Variants in ITM2B observed in about 807,000 individuals in gnomAD.
The protein encoded by ITM2B is integral membrane protein 2B.
A neutral mutation model predicts 27.8 loss-of-function variants in ITM2B; 11 were observed. The observed-to-expected ratio is 0.40, with a 90% CI of 0.25 to 0.66. The LOEUF is 0.66. Ranked by LOEUF, ITM2B falls within the 30% of genes least tolerant of loss-of-function variation. ITM2B has a pLI of 0.43. For synonymous variants in ITM2B, 114 were observed against 114.3 expected (o/e 1.00, Z 0.02); for missense variants, 296 against 328.9 (o/e 0.90, Z 0.77).
chr13:48,256,308 A>C lies in ITM2B; in HGVS notation c.378A>C (p.Glu126Asp), dbSNP rs767959003. 2 of 1,613,906 alleles carry C rather than the reference A, an allele frequency of 1.2e-6. No homozygotes were observed. The highest frequency in any genetic ancestry group is 1.7e-6 in the Non-Finnish European group (2 of 1,179,908). The change falls in exon 3 of 6, where the codon GAA becomes GAC. Residue 126 changes from glutamate to aspartate, a missense_variant. Coordinates refer to ENST00000647800, the MANE Select transcript of ITM2B (RefSeq NM_021999.5). Reference sequence around the variant, plus strand: ...ATATTAAAATCTTTGAAGAAGAAGAAGTTGAATTTATCAGTGTGCCTGTCC... The same window carrying C: ...ATATTAAAATCTTTGAAGAAGAAGACGTTGAATTTATCAGTGTGCCTGTCC... The part of the protein sequence containing the change: ...EENIKIFEEE[E>D]VEFISVPVPE...
intron 5 of ITM2B, among the ~76,000 whole-genome samples, 178 bp from the exon 6 acceptor site, chr13:48,260,961 T>G (rs1248729102): frequency 2.0e-5 from 3 of 152,168 alleles, no homozygotes; most frequent in African/African-American, 7.2e-5. Flanking sequence ...ATATTAATAC[T>G]TGGTTCAGAA....
chr13:48,237,976 T>G (rs901565926), intron 1 of ITM2B, among the ~76,000 whole-genome samples: 1 of 152,186 alleles, frequency 6.6e-6, no homozygotes, highest in Non-Finnish European at 1.5e-5. Flanking sequence ...TTATTAGAGC[T>G]TAAAGACTAA....
chr13:48,255,493 C>G (rs1222704733), intron 2 of ITM2B, among the ~76,000 whole-genome samples: 2 of 151,062 alleles, frequency 1.3e-5, no homozygotes, highest in Admixed American at 1.3e-4. Flanking sequence ...CAGGGTCTCA[C>G]CATGTTGCCC....
In ITM2B at chr13:48,262,763, T is replaced by A. The variant is rs547744687; in HGVS notation, c.*1539T>A. 1.3e-5 allele frequency: 2 copies of A among 152,120 alleles called. No individual in the cohort carries two copies. The highest frequency in any genetic ancestry group is 2.9e-5 in the Non-Finnish European group (2 of 68,008). 9.4% of individuals were successfully genotyped at this position (152,120 alleles called of 1,614,324 possible). A position where few individuals can be genotyped will look rare whatever the true frequency, so the allele number is the denominator to read the frequency against. ...ACAGCAAACAACTCATTACAATACA[T>A]TGGGATCAGTAGTGTGAGGGAGAAA... On this transcript the variant is annotated 3_prime_UTR_variant, in exon 6 of 6. Transcript: ENST00000647800.
Position 48,265,855 on chromosome 13 carries a change from A to T in ITM2B, c.*4631A>T, listed in dbSNP as rs535721493. The T allele has an allele frequency of 1.5e-3, 224 of 152,254 alleles. No individual in the cohort carries two copies. Among genetic ancestry groups the T allele is most frequent in the African/African-American group, 5.1e-3 (213 of 41,548 alleles). 9.4% of individuals were successfully genotyped at this position (152,254 alleles called of 1,614,324 possible). A position where few individuals can be genotyped will look rare whatever the true frequency, so the allele number is the denominator to read the frequency against. ...TTAGGAAAGGCTTCTCTTGTTTCTCAGTCTCATAGCATCATCTGTCTCTTT... is the reference window on the plus strand; with the variant it reads ...TTAGGAAAGGCTTCTCTTGTTTCTCTGTCTCATAGCATCATCTGTCTCTTT... On this transcript the variant is annotated 3_prime_UTR_variant, in exon 6 of 6. Coordinates refer to ENST00000647800, the MANE Select transcript of ITM2B (RefSeq NM_021999.5).
intron 1 of ITM2B, among the ~76,000 whole-genome samples, chr13:48,242,601 C>T (rs1039618105): frequency 4.6e-5 from 7 of 152,020 alleles, no homozygotes; most frequent in Non-Finnish European, 1.0e-4. Flanking sequence ...GTCTCAGAAT[C>T]GTTATTCCAT....
chr13:48,233,941 A>C (rs1593386158), intron 1 of ITM2B, among the ~76,000 whole-genome samples: 1 of 152,182 alleles, frequency 6.6e-6, no homozygotes, highest in African/African-American at 2.4e-5. Context: ...CTTGAACAGC[A>C]CTTGGACTAA....
In ITM2B at chr13:48,262,762, AT is replaced by A. The variant is rs1951830067; in HGVS notation, c.*1540del. 1 of 152,196 alleles carries A rather than the reference AT, an allele frequency of 6.6e-6. No individual in the cohort carries two copies. Among genetic ancestry groups the A allele is most frequent in the Non-Finnish European group, 1.5e-5 (1 of 68,030 alleles). The allele number at this position is 152,196 out of a possible 1,614,324, so 9.4% of individuals were successfully genotyped here. A position where few individuals can be genotyped will look rare whatever the true frequency, so the allele number is the denominator to read the frequency against. On this transcript the variant is annotated 3_prime_UTR_variant, in exon 6 of 6. Coordinates refer to ENST00000647800, the MANE Select transcript of ITM2B (RefSeq NM_021999.5). ...GACAGCAAACAACTCATTACAATAC[AT>A]TGGGATCAGTAGTGTGAGGGAGAAA... is the stretch of plus-strand genomic sequence containing the variant.
At chr13:48,248,328 A>G (rs567171084) in intron 1 of ITM2B, among the ~76,000 whole-genome samples, 44 of 151,548 alleles carry the variant, frequency 2.9e-4, no homozygotes, top group Admixed American at 8.6e-4. Context: ...AAGAGATAGG[A>G]TCTTGCTATG....
intron 1 of ITM2B, among the ~76,000 whole-genome samples, chr13:48,244,912 T>C (rs905184589): frequency 2.0e-5 from 3 of 152,238 alleles, no homozygotes; most frequent in Non-Finnish European, 4.4e-5. Context: ...AAATAACATT[T>C]GTATATAATG....
chr13:48,244,447 A>G (rs1309275180), intron 1 of ITM2B, among the ~76,000 whole-genome samples: 1 of 152,220 alleles, frequency 6.6e-6, no homozygotes, highest in African/African-American at 2.4e-5. Flanking sequence ...TCTCACATGT[A>G]GAGAGACAAG....
chr13:48,253,945 A>G lies in ITM2B; in HGVS notation c.246+9A>G. ...AATATTTTGCACTTCAAGTAAGTGG[A>G]AAAATTATTTTGTGTCTCTGATTTT... is the stretch of plus-strand genomic sequence containing the variant. On this transcript the variant is annotated intron_variant, in intron 2 of 5. Coordinates refer to ENST00000647800, the MANE Select transcript of ITM2B (RefSeq NM_021999.5). The G allele has an allele frequency of 6.2e-7, 1 of 1,612,920 alleles. No homozygotes were observed. The highest frequency in any genetic ancestry group is 8.5e-7 in the Non-Finnish European group (1 of 1,179,478).
intron 1 of ITM2B, among the ~76,000 whole-genome samples, chr13:48,246,699 G>A (rs895519865): frequency 4.6e-5 from 7 of 152,128 alleles, no homozygotes; most frequent in Non-Finnish European, 1.0e-4. Context: ...TAGGATCCCA[G>A]AAGGAAGTAT....
At chr13:48,234,965 A>C (rs1951658746) in intron 1 of ITM2B, among the ~76,000 whole-genome samples, 1 of 152,216 alleles carries the variant, frequency 6.6e-6, no homozygotes, top group Non-Finnish European at 1.5e-5. Context: ...TTGAGAGTCA[A>C]GTATCCAGTC....
intron 1 of ITM2B, among the ~76,000 whole-genome samples, chr13:48,252,150 CTG>C (rs1256348077): frequency 6.6e-6 from 1 of 152,238 alleles, no homozygotes; most frequent in South Asian, 2.1e-4. Context: ...TAGGAACACA[CTG>C]TATCGTATCA....
intron 1 of ITM2B, among the ~76,000 whole-genome samples, chr13:48,245,995 G>T (rs1951722604): frequency 6.6e-6 from 1 of 152,086 alleles, no homozygotes; most frequent in Admixed American, 6.6e-5. Context: ...AGCCAGGATG[G>T]TCTCAATCTC....
chr13:48,246,928 A>G (rs955334896), intron 1 of ITM2B, among the ~76,000 whole-genome samples: 4 of 152,196 alleles, frequency 2.6e-5, no homozygotes, highest in Non-Finnish European at 4.4e-5. Context: ...TCCTGGGTTC[A>G]AGCGATTCTC....
Position 48,268,868 on chromosome 13 carries a change from A to G in ITM2B, c.*7644A>G, listed in dbSNP as rs1387420921. The stretch of plus-strand genomic sequence containing the variant: ...ACAATGCAGGAGTCCAAGTATTATT[A>G]GGTTTACAGTCATAACAAACACCAA... On this transcript the variant is annotated 3_prime_UTR_variant, in exon 6 of 6. Coordinates refer to ENST00000647800, the MANE Select transcript of ITM2B (RefSeq NM_021999.5). 7.9e-5 allele frequency: 12 copies of G among 152,214 alleles called. No individual in the cohort carries two copies. Among genetic ancestry groups the G allele is most frequent in the Non-Finnish European group, 1.6e-4 (11 of 68,028 alleles). 9.4% of individuals were successfully genotyped at this position (152,214 alleles called of 1,614,324 possible).
Position 48,256,355 on chromosome 13 carries a change from C to T in ITM2B, c.425C>T (p.Pro142Leu). 1 of 1,613,752 alleles carries T rather than the reference C, an allele frequency of 6.2e-7. No homozygotes were observed. Among genetic ancestry groups the T allele is most frequent in the Non-Finnish European group, 8.5e-7 (1 of 1,179,726 alleles). ...VPVPEFADSD[P>L]ANIVHDFNKK... The stretch of plus-strand genomic sequence containing the variant: ...GTCCCAGAGTTTGCAGATAGTGATC[C>T]TGCCAACATTGTTCATGACTTTAAC... Residue 142 changes from proline (P) to leucine (L), a missense_variant, in exon 3 of 6, where the codon CCT becomes CTT. By Grantham distance (98) the Pro-to-Leu change is moderately conservative. Transcript: ENST00000647800.
Sources: allele counts gnomAD v4.1 joint callset (sites outside exome capture counted in the v4.1 genomes callset), GRCh38; gene constraint gnomAD v4.1.1; transcripts MANE v1.5; gene names NCBI Gene and HGNC (gene_info 2026-07-23, HGNC 2026-07-21).